Variants in TIAM2 observed in about 807,000 individuals in gnomAD.
TIAM2 encodes the protein TIAM Rac1 associated GEF 2.
In TIAM2, 80 loss-of-function variants were observed where a neutral mutation model predicts 152.9. That is an observed-to-expected ratio of 0.52 (90% confidence interval 0.44 to 0.63). The LOEUF (loss-of-function observed/expected upper bound fraction) is 0.63, where lower values mean the gene tolerates loss of function less well. Among genes scored for constraint, TIAM2 ranks in the 30% least tolerant of loss-of-function variants. The pLI is 0.00. For missense variants in TIAM2, 1,965 were observed against 2,120.1 expected (o/e 0.93, Z 1.44); for synonymous variants, 804 against 838.0 (o/e 0.96, Z 0.70).
intron 12 of TIAM2, 77 bp from the exon 13 acceptor site, chr6:155,182,147 AGG>A: frequency 8.8e-7 from 1 of 1,142,010 alleles, no homozygotes; most frequent in Non-Finnish European, 1.3e-6. Flanking sequence ...AAGATGTTCA[AGG>A]AGATACTGCC....
intron 1 of TIAM2, among the ~76,000 whole-genome samples, chr6:155,066,135 C>T (rs868233156): frequency 2.3e-5 from 3 of 130,360 alleles, no homozygotes; most frequent in African/African-American, 5.5e-5. Context: ...CTGAGACGGC[C>T]GCTCTTGTCC....
intron 1 of TIAM2, among the ~76,000 whole-genome samples, chr6:154,997,147 A>T (rs1778227996): frequency 6.6e-6 from 1 of 152,028 alleles, no homozygotes; most frequent in Non-Finnish European, 1.5e-5. Flanking sequence ...TTTCCAGACC[A>T]TTGTTTGGAA....
At chr6:155,029,293 AC>A in intron 1 of TIAM2, among the ~76,000 whole-genome samples, 1 of 114,810 alleles carries the variant, frequency 8.7e-6, no homozygotes, top group South Asian at 2.5e-4. Flanking sequence ...TGTTATATAT[AC>A]TATATGTACT....
intron 7 of TIAM2, among the ~76,000 whole-genome samples, chr6:155,150,954 C>T (rs1242134721): frequency 6.6e-6 from 1 of 152,156 alleles, no homozygotes; most frequent in Admixed American, 6.5e-5. Context: ...CAGTTCTTAA[C>T]AGATATTGGT....
At chr6:155,078,211 A>AT (rs1004065009) in intron 1 of TIAM2, among the ~76,000 whole-genome samples, 5 of 151,718 alleles carry the variant, frequency 3.3e-5, no homozygotes, top group Admixed American at 6.6e-5. Flanking sequence ...TGTTTGGCTA[A>AT]TTTTTTTTAT....
chr6:155,245,272 A>G (rs1033761589), intron 18 of TIAM2, among the ~76,000 whole-genome samples: 1 of 152,202 alleles, frequency 6.6e-6, no homozygotes, highest in Non-Finnish European at 1.5e-5. Flanking sequence ...AACCATACAG[A>G]CAGCATCACT....
intron 14 of TIAM2, among the ~76,000 whole-genome samples, chr6:155,192,834 A>G (rs1781241542): frequency 6.6e-6 from 1 of 152,202 alleles, no homozygotes. Context: ...AGGGAGGAGT[A>G]TTTTGATACT....
chr6:155,215,674 T>C (rs1781836009), intron 15 of TIAM2, among the ~76,000 whole-genome samples: 1 of 151,786 alleles, frequency 6.6e-6, no homozygotes, highest in South Asian at 2.1e-4. Context: ...ATTTCAAATT[T>C]AAGGATCACA....
chr6:155,225,601 C>T (rs1325715696), intron 15 of TIAM2, among the ~76,000 whole-genome samples: 3 of 152,178 alleles, frequency 2.0e-5, no homozygotes, highest in Non-Finnish European at 4.4e-5. Context: ...CTTCTCACCA[C>T]CAGGGATACC....
intron 9 of TIAM2, among the ~76,000 whole-genome samples, chr6:155,167,721 T>A (rs1420001330): frequency 1.3e-5 from 2 of 152,110 alleles, no homozygotes; most frequent in Non-Finnish European, 2.9e-5. Context: ...AGTCTCAAAT[T>A]TCTGGCCTCA....
At chr6:155,254,989 G>T (rs989905369) in intron 26 of TIAM2, 1 of 158,810 alleles carries the variant, frequency 6.3e-6, no homozygotes, top group Non-Finnish European at 1.4e-5. Context: ...CGACTTTACC[G>T]TGGTGTGAAA....
chr6:155,217,728 A>G (rs1371209858), intron 15 of TIAM2, among the ~76,000 whole-genome samples: 2 of 152,228 alleles, frequency 1.3e-5, no homozygotes, highest in Non-Finnish European at 2.9e-5. Flanking sequence ...AACAGAGAGC[A>G]TTGAGAATCT....
At chr6:155,216,277 A>G (rs1266085342) in intron 15 of TIAM2, among the ~76,000 whole-genome samples, 1 of 151,992 alleles carries the variant, frequency 6.6e-6, no homozygotes, top group African/African-American at 2.4e-5. Context: ...TTCCTGCCCT[A>G]GCCCAACTGG....
chr6:155,038,014 C>T (rs926467423), intron 1 of TIAM2, among the ~76,000 whole-genome samples: 11 of 152,024 alleles, frequency 7.2e-5, no homozygotes, highest in African/African-American at 2.4e-4. Context: ...TTCTTTTCTC[C>T]AGTTGTAGGA....
chr6:155,135,492 G>A (rs1378032921), intron 4 of TIAM2, among the ~76,000 whole-genome samples: 2 of 152,208 alleles, frequency 1.3e-5, no homozygotes, highest in Non-Finnish European at 2.9e-5. Context: ...AGCCATAAAT[G>A]TTGAATGTCA....
intron 2 of TIAM2, among the ~76,000 whole-genome samples, chr6:155,109,025 C>A (rs1049103244): frequency 6.6e-6 from 1 of 152,070 alleles, no homozygotes; most frequent in Non-Finnish European, 1.5e-5. Context: ...ACTCTGTCGC[C>A]CAGGCTGGAG....
intron 5 of TIAM2, among the ~76,000 whole-genome samples, chr6:155,139,393 G>A (rs1779637696): frequency 6.6e-6 from 1 of 152,220 alleles, no homozygotes; most frequent in Non-Finnish European, 1.5e-5. Flanking sequence ...CTCACACGCT[G>A]CAGTCCTCTT....
Position 155,129,620 on chromosome 6 carries a change from T to G in TIAM2, c.397T>G (p.Cys133Gly). 2.5e-6 allele frequency: 4 copies of G among 1,614,130 alleles called. No homozygotes were observed. Among genetic ancestry groups the G allele is most frequent in the Non-Finnish European group, 3.4e-6 (4 of 1,180,028 alleles). The change falls in exon 4 of 27, where the codon TGC (cysteine) becomes GGC (glycine). Residue 133 changes from cysteine (C) to glycine (G), a missense_variant. This residue lies in a region of TIAM2 where 1,025 missense variants were observed against 1,119.4 expected (regional missense o/e 0.92). Transcript: ENST00000682666. This position sits in a 1 kb window ranked among gnomAD's most constrained non-coding sequence, Gnocchi z 4.8. ...LADNHITSRD[C>G]NGHLLNCYGR... is the part of the protein sequence containing the mutation. ...AGATAACCACATCACCTCCAGAGAC[T>G]GCAACGGACACCTTCTCAACTGCTA...
chr6:155,019,790 C>T (rs1323364341), intron 1 of TIAM2, among the ~76,000 whole-genome samples: 5 of 152,202 alleles, frequency 3.3e-5, no homozygotes, highest in African/African-American at 9.7e-5. Flanking sequence ...CATGGTGGCT[C>T]ATGCCTGTAA....
Sources: allele counts gnomAD v4.1 joint callset (sites outside exome capture counted in the v4.1 genomes callset), GRCh38; gene constraint gnomAD v4.1.1; regional missense constraint gnomAD v4.1.1; non-coding constraint Gnocchi (gnomAD v3.1); transcripts MANE v1.5; gene names NCBI Gene and HGNC (gene_info 2026-07-23, HGNC 2026-07-21).